CPA6: variants seen among roughly 807,000 people sequenced by gnomAD.
CPA6 encodes the protein carboxypeptidase B.
Under a neutral mutation model 63.3 loss-of-function variants are expected in CPA6, and 58 were observed. The observed-to-expected ratio is 0.92, with a 90% CI of 0.74 to 1.14. CPA6 has a LOEUF of 1.14. Ranked by LOEUF, CPA6 falls within the 50% of genes most tolerant of loss-of-function variation. The pLI is 0.00. For synonymous variants in CPA6, 185 were observed against 179.0 expected (o/e 1.03, Z -0.27); for missense variants, 565 against 526.6 (o/e 1.07, Z -0.71).
intron 1 of CPA6, among the ~76,000 whole-genome samples, chr8:67,701,003 A>G (rs1817012512): frequency 6.6e-6 from 1 of 152,210 alleles, no homozygotes; most frequent in African/African-American, 2.4e-5. Flanking sequence ...AGACATAATC[A>G]TATACATAAT....
At chr8:67,524,445 T>C (rs564100431) in intron 2 of CPA6, among the ~76,000 whole-genome samples, 1 of 152,244 alleles carries the variant, frequency 6.6e-6, no homozygotes, top group South Asian at 2.1e-4. Context: ...GGAGATTTCT[T>C]ACTAGCTGTT....
intron 1 of CPA6, among the ~76,000 whole-genome samples, chr8:67,718,396 A>C (rs948690491): frequency 2.6e-5 from 4 of 152,206 alleles, no homozygotes; most frequent in African/African-American, 9.6e-5. Flanking sequence ...GCAAAATATT[A>C]TGAAAATCTT....
intron 8 of CPA6, chr8:67,483,477 T>C (rs1349333421): frequency 4.2e-6 from 2 of 473,154 alleles, no homozygotes; most frequent in Non-Finnish European, 7.6e-6. Context: ...TGTTTTAATT[T>C]GGGGAATGAC....
At chr8:67,422,907 G>A (rs981384769) in intron 10 of CPA6, among the ~76,000 whole-genome samples, 2 of 152,106 alleles carry the variant, frequency 1.3e-5, no homozygotes, top group Admixed American at 6.6e-5. Flanking sequence ...TCCAGTCTAC[G>A]TGTGAATGCC....
intron 2 of CPA6, among the ~76,000 whole-genome samples, chr8:67,571,457 G>A (rs1813483582): frequency 6.6e-6 from 1 of 152,048 alleles, no homozygotes; most frequent in East Asian, 1.9e-4. Flanking sequence ...TTAGGCCACA[G>A]GACAAATCTT....
intron 1 of CPA6, among the ~76,000 whole-genome samples, chr8:67,696,395 T>C (rs1816913115): frequency 6.6e-6 from 1 of 152,142 alleles, no homozygotes; most frequent in Admixed American, 6.5e-5. Context: ...AGATTGACAA[T>C]ATCAAGTGTT....
intron 1 of CPA6, among the ~76,000 whole-genome samples, chr8:67,720,271 T>G (rs1817470002): frequency 6.6e-6 from 1 of 152,048 alleles, no homozygotes. Flanking sequence ...CATTTACACT[T>G]CTTTTGTGGT....
chr8:67,624,336 CT>C (rs1180185171), intron 1 of CPA6, 85 bp from the exon 2 acceptor site: 3 of 678,288 alleles, frequency 4.4e-6, no homozygotes, highest in African/African-American at 1.9e-5. Context: ...AAAAAACTGC[CT>C]CTGCATTTAA....
At chr8:67,472,837 C>T (rs1057108374) in intron 8 of CPA6, among the ~76,000 whole-genome samples, 3 of 152,158 alleles carry the variant, frequency 2.0e-5, no homozygotes, top group African/African-American at 7.2e-5. Flanking sequence ...TATTGTCCTT[C>T]AAATGCAAAT....
At chr8:67,686,217 A>AC (rs1007355474) in intron 1 of CPA6, among the ~76,000 whole-genome samples, 1 of 152,012 alleles carries the variant, frequency 6.6e-6, no homozygotes, top group African/African-American at 2.4e-5. Context: ...GGATTACATA[A>AC]CCCCCTCCTA....
At position 67,704,845 on chromosome 8, in the gene CPA6, G is replaced by A. The variant is rs140475069; in HGVS notation, c.116+41169C>T. Among the ~76,000 whole-genome samples the A allele has an allele frequency of 7.3e-3, 1,111 of 152,200 alleles. 8 individuals carry two copies. Among genetic ancestry groups the A allele is most frequent in the Non-Finnish European group, 0.013 (855 of 68,018 alleles). On this transcript the variant is annotated intron_variant, in intron 1 of 10. Coordinates refer to ENST00000297770, the MANE Select transcript of CPA6 (RefSeq NM_020361.5). ...ATTCTCTCTTTGCAGATGGGTAATC[G>A]TGTCTCCCTACCACATAACATGCTC...
At chr8:67,492,739 T>C (rs1811633804) in intron 6 of CPA6, among the ~76,000 whole-genome samples, 1 of 152,174 alleles carries the variant, frequency 6.6e-6, no homozygotes, top group African/African-American at 2.4e-5. Context: ...AAGCAAGCAT[T>C]GTCTGTCTAC....
At chr8:67,587,655 T>A (rs1326558077) in intron 2 of CPA6, among the ~76,000 whole-genome samples, 1 of 152,144 alleles carries the variant, frequency 6.6e-6, no homozygotes, top group Non-Finnish European at 1.5e-5. Flanking sequence ...GCCAGATTTA[T>A]GAGGAGAGCT....
At chr8:67,491,426 A>G (rs1225503994) in intron 6 of CPA6, among the ~76,000 whole-genome samples, 1 of 152,184 alleles carries the variant, frequency 6.6e-6, no homozygotes. Context: ...ACTTAGTTAT[A>G]CTTAGAACCA....
chr8:67,500,594 C>A (rs1811811473), intron 6 of CPA6, among the ~76,000 whole-genome samples: 1 of 151,960 alleles, frequency 6.6e-6, no homozygotes, highest in African/African-American at 2.4e-5. Context: ...GGTGTCAAAT[C>A]AAAGAACGCT....
chr8:67,577,340 T>C (rs1378318314), intron 2 of CPA6, among the ~76,000 whole-genome samples: 1 of 152,138 alleles, frequency 6.6e-6, no homozygotes, highest in Non-Finnish European at 1.5e-5. Flanking sequence ...TGTGAGCATG[T>C]GAACACATGG....
At chr8:67,483,627 G>A (rs755036547) in intron 8 of CPA6, 141 bp downstream of exon 8, 1 of 760,038 alleles carries the variant, frequency 1.3e-6, no homozygotes, top group East Asian at 2.5e-5. Context: ...CAGCTATCAT[G>A]TACGTATCTG....
intron 1 of CPA6, among the ~76,000 whole-genome samples, chr8:67,713,085 G>GTGTGTGTGTA (rs1817298683): frequency 2.0e-5 from 1 of 51,132 alleles, no homozygotes; most frequent in African/African-American, 6.4e-5. Flanking sequence ...GTGTGTGTAT[G>GTGTGTGTGTA]TGTGTGTGTG....
At chr8:67,587,621 A>G (rs968069054) in intron 2 of CPA6, among the ~76,000 whole-genome samples, 1 of 152,134 alleles carries the variant, frequency 6.6e-6, no homozygotes, top group Non-Finnish European at 1.5e-5. Context: ...TTAAGAGGGT[A>G]ATAAAGTGAA....
Sources: allele counts gnomAD v4.1 joint callset (sites outside exome capture counted in the v4.1 genomes callset), GRCh38; gene constraint gnomAD v4.1.1; transcripts MANE v1.5; gene names NCBI Gene and HGNC (gene_info 2026-07-23, HGNC 2026-07-21).